C9orf72: variants seen among roughly 807,000 people sequenced by gnomAD.
The protein encoded by C9orf72 is C9orf72-SMCR8 complex subunit, also known as guanine nucleotide exchange factor C9orf72.
C9orf72 carries 44 observed loss-of-function variants against 51.6 expected under a neutral mutation model. The observed-to-expected ratio is 0.85, with a 90% CI of 0.67 to 1.10. The LOEUF (loss-of-function observed/expected upper bound fraction) is 1.10, where lower values mean the gene tolerates loss of function less well. Ranked by LOEUF, C9orf72 falls within the 50% of genes least tolerant of loss-of-function variation. C9orf72 has a pLI of 0.00. For missense variants in C9orf72, 607 were observed against 570.6 expected (o/e 1.06, Z -0.65); for synonymous variants, 213 against 194.2 (o/e 1.10, Z -0.81).
intron 9 of C9orf72, 33 bp downstream of exon 9, chr9:27,550,617 A>C: frequency 7.3e-7 from 1 of 1,361,238 alleles, no homozygotes; most frequent in Non-Finnish European, 1.0e-6. Context: ...ATGTCATATC[A>C]TTCACTCTGA....
Position 27,567,139 on chromosome 9 carries a change from A to G in C9orf72, c.-19T>C. The stretch of plus-strand genomic sequence containing the variant: ...TCGACATCACTGCATTCCAACTGTC[A>G]CATTATCCAAATGCTCCGGAGATAT... On this transcript the variant is annotated 5_prime_UTR_variant, in exon 2 of 11. It removes the in-frame stop codon of an upstream open reading frame in the 5' UTR. Coordinates refer to ENST00000380003, the MANE Select transcript of C9orf72 (RefSeq NM_018325.5). 1 of 1,600,760 alleles carries G rather than the reference A, an allele frequency of 6.2e-7. No individual in the cohort carries two copies. Among genetic ancestry groups the G allele is most frequent in the Admixed American group, 1.7e-5 (1 of 59,806 alleles).
intron 8 of C9orf72, among the ~76,000 whole-genome samples, chr9:27,554,996 A>T (rs1439481313): frequency 6.6e-6 from 1 of 152,232 alleles, no homozygotes; most frequent in Non-Finnish European, 1.5e-5. Flanking sequence ...CATCCTCTAA[A>T]AAACAAAACA....
chr9:27,556,460 A>G, intron 8 of C9orf72, 101 bp downstream of exon 8: 1 of 724,944 alleles, frequency 1.4e-6, no homozygotes, highest in Non-Finnish European at 2.3e-6. Flanking sequence ...TGCTGGTAAT[A>G]TTTCTTTCTT....
At position 27,573,421 on chromosome 9, in the gene C9orf72, C is replaced by A. The variant is rs1461589085; in HGVS notation, c.-45+10G>T. On this transcript the variant is annotated intron_variant, in intron 1 of 10. Transcript: ENST00000380003. ...ACAGCCACCCGCCAGGATGCCGCCT[C>A]CTCACTCACCCACTCGCCACCGCCT... The A allele has an allele frequency of 6.6e-6, 1 of 152,082 alleles. No individual in the cohort carries two copies. The highest frequency in any genetic ancestry group is 1.5e-5 in the Non-Finnish European group (1 of 68,112). 9.4% of individuals were successfully genotyped at this position (152,082 alleles called of 1,614,324 possible).
chr9:27,550,613 T>A, intron 9 of C9orf72, 37 bp downstream of exon 9: 3 of 1,289,468 alleles, frequency 2.3e-6, no homozygotes, highest in Non-Finnish European at 3.3e-6. Context: ...AAACATGTCA[T>A]ATCATTCACT....
chr9:27,565,612 T>TA, intron 2 of C9orf72, 22 bp from the exon 3 acceptor site: 3 of 1,478,230 alleles, frequency 2.0e-6, no homozygotes, highest in Non-Finnish European at 1.9e-6. Flanking sequence ...AAAATTTATT[T>TA]AAAAAAACAA....
rs369166616 is a variant in C9orf72, at chr9:27,548,289, C to G, written c.1393G>C (p.Gly465Arg). ...IKPGLHSFIF[G>R]RPFYTSVQER... is the part of the protein sequence containing the mutation. Reference sequence around the variant, plus strand: ...TGCACACTAGTGTAGAAAGGTCTTCCAAAGATAAAAGAGTGTAGGCCTGGT... The same window carrying G: ...TGCACACTAGTGTAGAAAGGTCTTCGAAAGATAAAAGAGTGTAGGCCTGGT... The change falls in exon 11 of 11, where the codon GGA (glycine) becomes CGA (arginine). Residue 465 changes from glycine (G) to arginine (R), a missense_variant. Coordinates refer to ENST00000380003, the MANE Select transcript of C9orf72 (RefSeq NM_018325.5). 1.2e-5 allele frequency: 20 copies of G among 1,612,772 alleles called. No individual in the cohort carries two copies. In the East Asian group the frequency reaches 4.5e-4, roughly 36 times the overall value.
Position 27,565,085 on chromosome 9 carries a change from T to G in C9orf72, c.504+446A>C, listed in dbSNP as rs74704571. Among the ~76,000 whole-genome samples, 1,055 of 152,252 alleles carry G rather than the reference T, an allele frequency of 6.9e-3. 5 individuals carry two copies. Among genetic ancestry groups the G allele is most frequent in the Non-Finnish European group, 9.4e-3 (637 of 68,000 alleles). Reference sequence around the variant, plus strand: ...AATAAAATGTAAATTGCATGAGTCTTAACGATACAACATAAGACTTAGAAG... The same window carrying G: ...AATAAAATGTAAATTGCATGAGTCTGAACGATACAACATAAGACTTAGAAG... On this transcript the variant is annotated intron_variant, in intron 3 of 10. Coordinates refer to ENST00000380003, the MANE Select transcript of C9orf72 (RefSeq NM_018325.5).
In C9orf72 at chr9:27,558,447, G is replaced by T. The variant is rs371913416; in HGVS notation, c.855+44C>A. ...TTTGTCTATAAAGAGTCTCAAAAAT[G>T]ATTTTAGAAAAGTGGTTTCACTTGT... On this transcript the variant is annotated intron_variant, in intron 7 of 10. Coordinates refer to ENST00000380003, the MANE Select transcript of C9orf72 (RefSeq NM_018325.5). 26 of 1,043,126 alleles carry T rather than the reference G, an allele frequency of 2.5e-5. No individual in the cohort carries two copies. In the Admixed American group the frequency reaches 5.0e-4, roughly 20 times the overall value. The allele number at this position is 1,043,126 out of a possible 1,614,324, so 64.6% of individuals were successfully genotyped here.
chr9:27,572,714 C>T (rs1372546907), intron 1 of C9orf72, among the ~76,000 whole-genome samples: 1 of 152,154 alleles, frequency 6.6e-6, no homozygotes, highest in Non-Finnish European at 1.5e-5. Context: ...CCAGATAGAC[C>T]CAATGAGCAC....
At chr9:27,554,639 C>G (rs1042388169) in intron 8 of C9orf72, 2 of 368,564 alleles carry the variant, frequency 5.4e-6, no homozygotes, top group Non-Finnish European at 9.6e-6. Flanking sequence ...AAATAAAAGT[C>G]AAAAAAAAAA....
chr9:27,567,309 C>T (rs1819492402), intron 1 of C9orf72, 145 bp from the exon 2 acceptor site: 1 of 595,824 alleles, frequency 1.7e-6, no homozygotes, highest in South Asian at 2.1e-5. Flanking sequence ...TAAAGACATT[C>T]AACTAGCACA....
At chr9:27,553,279 G>T (rs1276038188) in intron 8 of C9orf72, among the ~76,000 whole-genome samples, 3 of 152,074 alleles carry the variant, frequency 2.0e-5, no homozygotes, top group African/African-American at 7.2e-5. Flanking sequence ...TAAGCAAAAA[G>T]AACAAAGCTG....
Position 27,556,786 on chromosome 9 carries a change from C to A in C9orf72, c.866G>T (p.Gly289Val). The A allele has an allele frequency of 6.2e-7, 1 of 1,607,686 alleles. No individual in the cohort carries two copies. Among genetic ancestry groups the A allele is most frequent in the Non-Finnish European group, 8.5e-7 (1 of 1,174,410 alleles). Residue 289 changes from glycine (G) to valine (V), a missense_variant, in exon 8 of 11, where the codon GGA becomes GTA. Gly to Val is a moderately radical substitution (Grantham distance 109). Coordinates refer to ENST00000380003, the MANE Select transcript of C9orf72 (RefSeq NM_018325.5). ...TTGCCGGAAAGGCAGCACAAAGCTT[C>A]CAGTTGAATCCTGTCAAAATAAAAG... Reference protein sequence around the residue: ...FVQGLLKDSTGSFVLPFRQVM... With the variant: ...FVQGLLKDSTVSFVLPFRQVM...
intron 8 of C9orf72, among the ~76,000 whole-genome samples, chr9:27,552,879 T>C (rs557267913): frequency 3.3e-5 from 5 of 152,142 alleles, no homozygotes; most frequent in Non-Finnish European, 5.9e-5. Context: ...TAGTATTTTG[T>C]TGAGGATTTT....
At chr9:27,548,794 A>G in intron 9 of C9orf72, 128 bp from the exon 10 acceptor site, 1 of 586,086 alleles carries the variant, frequency 1.7e-6, no homozygotes. Context: ...ATTTCCACTG[A>G]TGCCCCCTAA....
intron 6 of C9orf72, chr9:27,559,383 T>C (rs1228440405): frequency 6.6e-6 from 1 of 151,966 alleles, no homozygotes; most frequent in Admixed American, 6.6e-5. Flanking sequence ...AGCCACCTGT[T>C]TGAGGTAACA....
intron 8 of C9orf72, among the ~76,000 whole-genome samples, chr9:27,551,125 T>C (rs2131529485): frequency 6.6e-6 from 1 of 152,016 alleles, no homozygotes; most frequent in East Asian, 1.9e-4. Context: ...AATAAGCCAC[T>C]ACCATCAAAA....
At chr9:27,552,615 C>T (rs1411607717) in intron 8 of C9orf72, among the ~76,000 whole-genome samples, 1 of 150,718 alleles carries the variant, frequency 6.6e-6, no homozygotes, top group African/African-American at 2.4e-5. Context: ...CTTGGCCTCC[C>T]AAAGTGCTGG....
Sources: gnomAD v4.1 joint callset for allele counts (sites outside exome capture counted in the v4.1 genomes callset) on GRCh38, gnomAD v4.1.1 for gene constraint, MANE v1.5 for transcripts, NCBI Gene and HGNC (gene_info 2026-07-23, HGNC 2026-07-21) for gene names.